ZNF385D: variants seen among roughly 807,000 people sequenced by gnomAD.
ZNF385D encodes the protein zinc finger protein 385D.
A neutral mutation model predicts 35.8 loss-of-function variants in ZNF385D; 15 were observed. The ratio of observed to expected loss-of-function variants is 0.42; its 90% CI spans 0.28 to 0.64. ZNF385D has a LOEUF of 0.64. Among genes scored for constraint, ZNF385D ranks in the 30% least tolerant of loss-of-function variants. The pLI, the probability that ZNF385D is intolerant of heterozygous loss-of-function variation, is 0.23. For missense variants in ZNF385D, 474 were observed against 494.6 expected (o/e 0.96, Z 0.39); for synonymous variants, 212 against 186.8 (o/e 1.13, Z -1.10).
intron 3 of ZNF385D, among the ~76,000 whole-genome samples, chr3:21,945,148 A>G (rs75111655): frequency 2.1e-4 from 18 of 86,282 alleles, no homozygotes; most frequent in African/African-American, 4.2e-4. Context: ...GTATATGCAT[A>G]TATATATACA....
At chr3:22,278,577 G>A (rs1382030645) in intron 2 of ZNF385D, among the ~76,000 whole-genome samples, 1 of 152,034 alleles carries the variant, frequency 6.6e-6, no homozygotes, top group Non-Finnish European at 1.5e-5. Context: ...ATTCAATTTA[G>A]TTCTATAATT....
chr3:22,000,881 C>A (rs911584180), intron 3 of ZNF385D, among the ~76,000 whole-genome samples: 3 of 145,652 alleles, frequency 2.1e-5, no homozygotes, highest in Non-Finnish European at 4.4e-5. Flanking sequence ...TTAGACCAGT[C>A]CTACAAGAAA....
chr3:21,698,936 T>C (rs2067569322), intron 1 of ZNF385D, among the ~76,000 whole-genome samples: 1 of 152,030 alleles, frequency 6.6e-6, no homozygotes, highest in Non-Finnish European at 1.5e-5. Context: ...GCTGTGGCAA[T>C]TCAAGAATCT....
At chr3:22,063,854 C>G (rs753780553) in intron 3 of ZNF385D, among the ~76,000 whole-genome samples, 1 of 152,224 alleles carries the variant, frequency 6.6e-6, no homozygotes, top group Non-Finnish European at 1.5e-5. Flanking sequence ...TATCCAAGCT[C>G]CAGAGCTCCT....
chr3:21,897,190 T>C (rs1041682297), intron 3 of ZNF385D, among the ~76,000 whole-genome samples: 1 of 152,132 alleles, frequency 6.6e-6, no homozygotes. Flanking sequence ...TAAGAATGCT[T>C]AGACCAGAGA....
At chr3:22,360,493 C>T (rs1436821688) in intron 2 of ZNF385D, among the ~76,000 whole-genome samples, 2 of 151,894 alleles carry the variant, frequency 1.3e-5, no homozygotes, top group Admixed American at 6.6e-5. Flanking sequence ...TTTCTATATA[C>T]TCGAGGATAA....
chr3:21,792,282 T>C (rs2071962571), intron 3 of ZNF385D, among the ~76,000 whole-genome samples: 1 of 152,146 alleles, frequency 6.6e-6, no homozygotes, highest in African/African-American at 2.4e-5. Context: ...TTCCCTCCAT[T>C]AAAAGAAGAA....
chr3:21,964,444 A>AG (rs1559797133), intron 3 of ZNF385D, among the ~76,000 whole-genome samples: 25 of 145,418 alleles, frequency 1.7e-4, no homozygotes, highest in African/African-American at 5.2e-4. Context: ...AAAAAAAAAA[A>AG]AAGAAAAAGA....
chr3:22,239,844 A>T (rs1236958272), intron 2 of ZNF385D, among the ~76,000 whole-genome samples: 1 of 150,776 alleles, frequency 6.6e-6, no homozygotes, highest in Non-Finnish European at 1.5e-5. Flanking sequence ...ATGTCTTCAT[A>T]GAAATTCTCA....
intron 3 of ZNF385D, among the ~76,000 whole-genome samples, chr3:22,147,948 T>C (rs1421315619): frequency 6.6e-6 from 1 of 152,182 alleles, no homozygotes; most frequent in African/African-American, 2.4e-5. Flanking sequence ...ATCTAAAGTA[T>C]GAGGATTTAG....
At chr3:22,332,642 CTTAAT>C (rs1471037530) in intron 2 of ZNF385D, among the ~76,000 whole-genome samples, 2 of 151,882 alleles carry the variant, frequency 1.3e-5, no homozygotes, top group African/African-American at 2.4e-5. Context: ...TAAATAAAAG[CTTAAT>C]TTATTTTGCA....
At chr3:21,472,191 G>A (rs75990093) in intron 4 of ZNF385D, among the ~76,000 whole-genome samples, 9,242 of 152,172 alleles carry the variant, frequency 0.061, 437 homozygotes, top group East Asian at 0.21. Flanking sequence ...GAAACATTTA[G>A]TTACATTTTA....
intron 3 of ZNF385D, among the ~76,000 whole-genome samples, chr3:22,022,196 G>A (rs1156594961): frequency 2.0e-5 from 3 of 152,072 alleles, no homozygotes; most frequent in African/African-American, 7.2e-5. Context: ...AAAACTAAAT[G>A]AGACAACTTA....
chr3:22,291,811 G>A (rs1178877239), intron 2 of ZNF385D, among the ~76,000 whole-genome samples: 2 of 151,924 alleles, frequency 1.3e-5, no homozygotes, highest in African/African-American at 4.8e-5. Context: ...ACTTATTTAT[G>A]CATTACTACT....
chr3:22,227,499 C>T (rs1049649319), intron 2 of ZNF385D, among the ~76,000 whole-genome samples: 13 of 152,138 alleles, frequency 8.5e-5, no homozygotes, highest in Non-Finnish European at 1.5e-4. Flanking sequence ...CGTTTGATCA[C>T]ATTTTGACAC....
At chr3:22,302,911 A>G (rs1702984061) in intron 2 of ZNF385D, among the ~76,000 whole-genome samples, 1 of 152,056 alleles carries the variant, frequency 6.6e-6, no homozygotes, top group Admixed American at 6.6e-5. Context: ...TTTAGTAATG[A>G]TGACAGGGAG....
At chr3:21,924,009 A>G (rs1334597404) in intron 3 of ZNF385D, among the ~76,000 whole-genome samples, 3 of 152,186 alleles carry the variant, frequency 2.0e-5, no homozygotes, top group Non-Finnish European at 2.9e-5. Context: ...AACTTAAAAC[A>G]ATATATTTAT....
intron 2 of ZNF385D, among the ~76,000 whole-genome samples, chr3:22,191,257 G>A (rs769418823): frequency 3.9e-5 from 6 of 152,066 alleles, no homozygotes; most frequent in Non-Finnish European, 5.9e-5. Context: ...TTGGGAGGCC[G>A]AGGCAGGCGG....
intron 3 of ZNF385D, among the ~76,000 whole-genome samples, chr3:21,946,784 A>C (rs1701809760): frequency 6.6e-6 from 1 of 152,240 alleles, no homozygotes; most frequent in African/African-American, 2.4e-5. Flanking sequence ...GTGAGCCGAA[A>C]TTGCGCTACT....
Sources: gnomAD v4.1 joint callset for allele counts (sites outside exome capture counted in the v4.1 genomes callset) on GRCh38, gnomAD v4.1.1 for gene constraint, MANE v1.5 for transcripts, NCBI Gene and HGNC (gene_info 2026-07-23, HGNC 2026-07-21) for gene names.